WLS: variants seen among roughly 807,000 people sequenced by gnomAD.
WLS encodes the protein protein wntless homolog.
Under a neutral mutation model 62.8 loss-of-function variants are expected in WLS, and 23 were observed. That is an observed-to-expected ratio of 0.37 (90% confidence interval 0.26 to 0.52). The LOEUF (loss-of-function observed/expected upper bound fraction) is 0.52, where lower values mean the gene tolerates loss of function less well. WLS is among the 20% of genes least tolerant of loss of function. The pLI is 0.92. For missense variants in WLS, 615 were observed against 697.3 expected (o/e 0.88, Z 1.33); for synonymous variants, 246 against 244.1 (o/e 1.01, Z -0.07).
chr1:68,109,742 AAAGAT>A (rs1349584744), intron 11 of WLS, among the ~76,000 whole-genome samples: 1 of 152,136 alleles, frequency 6.6e-6, no homozygotes, highest in African/African-American at 2.4e-5. Context: ...GGTTCCAAGT[AAAGAT>A]AATATATTGA....
At chr1:68,229,649 T>C (rs1650321643) in intron 1 of WLS, among the ~76,000 whole-genome samples, 1 of 152,218 alleles carries the variant, frequency 6.6e-6, no homozygotes, top group South Asian at 2.1e-4. Context: ...GGGAAAATTT[T>C]TCACTTACAT....
intron 11 of WLS, among the ~76,000 whole-genome samples, chr1:68,128,849 G>T (rs554486822): frequency 3.3e-5 from 5 of 152,192 alleles, no homozygotes; most frequent in South Asian, 2.1e-4. Flanking sequence ...GCACAGAGAG[G>T]CTAAGTAACT....
intron 10 of WLS, chr1:68,142,854 G>A (rs1424991400): frequency 6.6e-6 from 1 of 152,160 alleles, no homozygotes; most frequent in Non-Finnish European, 1.5e-5. Context: ...AATTCAAGGG[G>A]TCCATAAACT....
chr1:68,170,160 C>CTTTTTT (rs571306573), intron 2 of WLS, among the ~76,000 whole-genome samples: 55 of 86,738 alleles, frequency 6.3e-4, no homozygotes, highest in Non-Finnish European at 9.0e-4. Context: ...GCTACTATTT[C>CTTTTTT]TTTTTTTTTT....
chr1:68,101,012 C>A (rs570152147), intron 11 of WLS, among the ~76,000 whole-genome samples: 2 of 152,126 alleles, frequency 1.3e-5, no homozygotes, highest in Admixed American at 6.5e-5. Context: ...GTGGCCAAAC[C>A]GTTCAGCATA....
intron 1 of WLS, chr1:68,202,042 A>G (rs956319951): frequency 4.6e-5 from 7 of 152,240 alleles, no homozygotes; most frequent in African/African-American, 1.7e-4. Context: ...GCTTTGAAGA[A>G]TAGAAGAATT....
chr1:68,222,066 G>A (rs985720603), intron 1 of WLS, among the ~76,000 whole-genome samples: 1 of 152,052 alleles, frequency 6.6e-6, no homozygotes, highest in African/African-American at 2.4e-5. Flanking sequence ...CTAGAACTTC[G>A]GAATTATGCC....
intron 4 of WLS, among the ~76,000 whole-genome samples, chr1:68,154,053 CGGATTAATAGGGCAGGTAT>C (rs1211344164): frequency 1.3e-5 from 2 of 151,998 alleles, no homozygotes; most frequent in Admixed American, 1.3e-4. Flanking sequence ...TTTAGAGGTA[CGGATTAATAGGGCAGGTAT>C]GGATTAATAG....
At chr1:68,163,033 C>T in intron 2 of WLS, 2 of 1,588,124 alleles carry the variant, frequency 1.3e-6, no homozygotes, top group Admixed American at 1.7e-5. Context: ...GGGCGGATAC[C>T]TTCACAAATT....
At chr1:68,127,653 T>G (rs906228012) in intron 11 of WLS, among the ~76,000 whole-genome samples, 2 of 152,148 alleles carry the variant, frequency 1.3e-5, no homozygotes, top group East Asian at 3.8e-4. Context: ...TGTCAGTGAT[T>G]TTTATATTGT....
intron 11 of WLS, among the ~76,000 whole-genome samples, chr1:68,128,009 C>G (rs538933268): frequency 6.6e-6 from 1 of 152,328 alleles, no homozygotes; most frequent in Non-Finnish European, 1.5e-5. Context: ...CCTGTAAGCT[C>G]TCTACCCAGG....
chr1:68,140,768 T>C (rs904772834), intron 10 of WLS, among the ~76,000 whole-genome samples: 1 of 152,176 alleles, frequency 6.6e-6, no homozygotes, highest in African/African-American at 2.4e-5. Context: ...TGCTCTTTGG[T>C]GGCTGGCTTG....
chr1:68,216,656 T>TG (rs79666556), intron 1 of WLS, among the ~76,000 whole-genome samples: 145,239 of 152,202 alleles, frequency 0.95, 69,690 homozygotes, highest in South Asian at 1. Flanking sequence ...TAGACAATAA[T>TG]GGGGGAGATG....
chr1:68,103,467 A>G (rs1287293719), intron 11 of WLS, among the ~76,000 whole-genome samples: 1 of 152,250 alleles, frequency 6.6e-6, no homozygotes, highest in Non-Finnish European at 1.5e-5. Flanking sequence ...CTAATGGACC[A>G]GGAAAGCTAG....
At chr1:68,153,775 C>T (rs933910706) in intron 4 of WLS, 122 bp from the exon 5 acceptor site, 3 of 1,304,928 alleles carry the variant, frequency 2.3e-6, no homozygotes, top group South Asian at 2.8e-5. Flanking sequence ...CGATCAAGAG[C>T]TTTCACATTC....
chr1:68,120,541 T>G (rs1646350931), downstream of WLS, among the ~76,000 whole-genome samples: 1 of 152,242 alleles, frequency 6.6e-6, no homozygotes, highest in South Asian at 2.1e-4. Context: ...ACTCTGGCAC[T>G]GTAATAGGTG....
chr1:68,225,174 GT>G (rs1424356576), intron 1 of WLS, among the ~76,000 whole-genome samples: 2 of 152,070 alleles, frequency 1.3e-5, no homozygotes, highest in East Asian at 3.9e-4. Flanking sequence ...GGGATAGAAT[GT>G]GGGGGGTGGG....
chr1:68,210,345 T>C (rs1345083787), intron 1 of WLS, among the ~76,000 whole-genome samples: 2 of 151,724 alleles, frequency 1.3e-5, no homozygotes, highest in Non-Finnish European at 1.5e-5. Flanking sequence ...ATGATAGTCA[T>C]CTTTAGTTAT....
intron 2 of WLS, chr1:68,161,639 G>T: frequency 1.2e-6 from 1 of 800,796 alleles, no homozygotes; most frequent in Non-Finnish European, 2.0e-6. Context: ...CATCAATGAT[G>T]CATAAGTCCA....
Sources: allele counts gnomAD v4.1 joint callset (sites outside exome capture counted in the v4.1 genomes callset), GRCh38; gene constraint gnomAD v4.1.1; transcripts MANE v1.5; gene names NCBI Gene and HGNC (gene_info 2026-07-23, HGNC 2026-07-21).